Variants in GMDS observed in about 807,000 individuals in gnomAD.
The protein encoded by GMDS is GDP-mannose 4,6-dehydratase.
In GMDS, 20 loss-of-function variants were observed where a neutral mutation model predicts 49.9. The ratio of observed to expected loss-of-function variants is 0.40; its 90% confidence interval spans 0.28 to 0.58. The LOEUF (loss-of-function observed/expected upper bound fraction) is 0.58. Among genes scored for constraint, GMDS ranks in the 20% least tolerant of loss-of-function variants. The pLI is 0.42. For missense variants in GMDS, 362 were observed against 481.4 expected, an observed-to-expected ratio of 0.75 and a Z score of 2.32; for synonymous variants, 177 against 178.6, an observed-to-expected ratio of 0.99 and a Z score of 0.07.
chr6:2,037,183 T>C (rs1408600035), intron 4 of GMDS, among the ~76,000 whole-genome samples: 1 of 152,138 alleles, frequency 6.6e-6, no homozygotes, highest in East Asian at 1.9e-4. Context: ...CAATGCCCCT[T>C]CAACTTCACC....
intron 4 of GMDS, among the ~76,000 whole-genome samples, chr6:1,967,736 C>T (rs1225368147): frequency 1.3e-5 from 2 of 152,096 alleles, no homozygotes; most frequent in Non-Finnish European, 2.9e-5. Flanking sequence ...GTAGCAAAGC[C>T]AGAGAAATGA....
At chr6:1,837,442 C>A (rs1214581959) in intron 7 of GMDS, among the ~76,000 whole-genome samples, 1 of 152,160 alleles carries the variant, frequency 6.6e-6, no homozygotes, top group Non-Finnish European at 1.5e-5. Context: ...GACAATGTGG[C>A]CTTTTTGCTT....
intron 7 of GMDS, among the ~76,000 whole-genome samples, chr6:1,900,918 T>C (rs1760470640): frequency 6.6e-6 from 1 of 152,222 alleles, no homozygotes; most frequent in Admixed American, 6.5e-5. Context: ...ACGACTCAGT[T>C]ATGCCAACAT....
chr6:2,161,376 C>G (rs951920314), intron 1 of GMDS, among the ~76,000 whole-genome samples: 2 of 152,048 alleles, frequency 1.3e-5, no homozygotes, highest in African/African-American at 2.4e-5. Context: ...TGCTCACTGA[C>G]TGAAACAAGC....
intron 7 of GMDS, among the ~76,000 whole-genome samples, chr6:1,802,711 G>A (rs1302129038): frequency 1.3e-5 from 2 of 152,208 alleles, no homozygotes; most frequent in African/African-American, 4.8e-5. Context: ...AGGAGGGGGC[G>A]CTCCGCTGAA....
intron 4 of GMDS, among the ~76,000 whole-genome samples, chr6:2,002,773 A>G (rs920726560): frequency 1.1e-4 from 17 of 152,236 alleles, no homozygotes; most frequent in African/African-American, 4.1e-4. Context: ...AATAAATTCA[A>G]CATCTACTGT....
At chr6:2,157,991 T>C (rs1411288803) in intron 1 of GMDS, among the ~76,000 whole-genome samples, 1 of 152,120 alleles carries the variant, frequency 6.6e-6, no homozygotes, top group Non-Finnish European at 1.5e-5. Flanking sequence ...ACAGTTCTGA[T>C]TCACTATTGT....
At chr6:1,654,815 C>A (rs1763818959) in intron 9 of GMDS, among the ~76,000 whole-genome samples, 1 of 152,134 alleles carries the variant, frequency 6.6e-6, no homozygotes, top group African/African-American at 2.4e-5. Context: ...GTAATTCCAG[C>A]ACTTTGGGAG....
At position 2,124,699 on chromosome 6, in the gene GMDS, C is replaced by T; in HGVS notation, c.135G>A (p.Glu45=). 1.2e-6 allele frequency: 2 copies of T among 1,613,922 alleles called. No individual in the cohort carries two copies. Among genetic ancestry groups the T allele is most frequent in the Non-Finnish European group, 1.7e-6 (2 of 1,179,858 alleles). ...DGSYLAEFLL[E]KGYEVHGIVR... Reference sequence around the variant, plus strand: ...TTGAGTCACCCACCTCATAGCCTTTCTCCAGCAGGAACTCAGCCAGGTAGG... The same window carrying T: ...TTGAGTCACCCACCTCATAGCCTTTTTCCAGCAGGAACTCAGCCAGGTAGG... The change falls in exon 2 of 11, where the codon GAG becomes GAA. Residue 45 remains glutamate, a synonymous_variant. Transcript: ENST00000380815.
At chr6:1,729,122 C>G (rs1283036232) in intron 8 of GMDS, among the ~76,000 whole-genome samples, 14 of 152,188 alleles carry the variant, frequency 9.2e-5, no homozygotes, top group Non-Finnish European at 1.6e-4. Flanking sequence ...GCCTGCACGG[C>G]TAGACTGCTT....
At chr6:2,056,181 TAA>T (rs1247742554) in intron 4 of GMDS, among the ~76,000 whole-genome samples, 2 of 152,130 alleles carry the variant, frequency 1.3e-5, no homozygotes, top group East Asian at 1.9e-4. Context: ...TCTTATTAAA[TAA>T]GACACATATA....
At chr6:2,181,492 CT>C (rs1047581246) in intron 1 of GMDS, among the ~76,000 whole-genome samples, 1 of 152,006 alleles carries the variant, frequency 6.6e-6, no homozygotes, top group African/African-American at 2.4e-5. Context: ...CCAGACACTG[CT>C]TTTTTTTAAT....
rs1157888041 is a variant in GMDS at position 1,778,352 on chromosome 6, T to C, written c.772-35766A>G. ...CTGTTTAGGATAATGGAATACTGAT[T>C]GAAGTCAATTATTATAACACCTGAA... On this transcript the variant is annotated intron_variant, in intron 7 of 10. Transcript: ENST00000380815. The surrounding 1 kb of genome is among the most constrained non-coding windows in gnomAD (Gnocchi z 4.6). 6.6e-6 allele frequency among the ~76,000 whole-genome samples: 1 copy of C among 152,198 alleles called. No homozygotes were observed. The highest frequency in any genetic ancestry group is 1.5e-5 in the Non-Finnish European group (1 of 68,034).
intron 1 of GMDS, among the ~76,000 whole-genome samples, chr6:2,147,781 C>T (rs979888422): frequency 4.0e-5 from 6 of 149,628 alleles, no homozygotes; most frequent in Non-Finnish European, 8.9e-5. Flanking sequence ...TTAAGAGACT[C>T]AAAAAAATGT....
At chr6:1,921,334 A>T (rs1761705119) in intron 7 of GMDS, among the ~76,000 whole-genome samples, 1 of 152,214 alleles carries the variant, frequency 6.6e-6, no homozygotes, top group Admixed American at 6.5e-5. Flanking sequence ...AACTCAATTC[A>T]TACTAGAAAT....
intron 4 of GMDS, among the ~76,000 whole-genome samples, chr6:1,999,123 A>T (rs745524440): frequency 9.2e-5 from 14 of 152,092 alleles, no homozygotes; most frequent in African/African-American, 3.4e-4. Flanking sequence ...GGAAATCGAG[A>T]CCAGCCTGGC....
rs549241840 is a variant in GMDS, at chr6:2,196,230, C to T, written c.102+49091G>A. 2.6e-5 allele frequency among the ~76,000 whole-genome samples: 4 copies of T among 152,334 alleles called. No homozygotes were observed. In the South Asian group the frequency reaches 8.3e-4, roughly 32 times the overall value. On this transcript the variant is annotated intron_variant, in intron 1 of 10. Coordinates refer to ENST00000380815, the MANE Select transcript of GMDS (RefSeq NM_001500.4). Reference sequence around the variant, plus strand: ...ACTGCAAAACTATAATTATCAAGGACTAAAACACGCAGATGCTATATACTT... The same window carrying T: ...ACTGCAAAACTATAATTATCAAGGATTAAAACACGCAGATGCTATATACTT...
intron 4 of GMDS, among the ~76,000 whole-genome samples, chr6:2,043,624 C>G (rs191718384): frequency 6.6e-6 from 1 of 152,164 alleles, no homozygotes; most frequent in Non-Finnish European, 1.5e-5. Flanking sequence ...TTAAATGTGG[C>G]TATTATAAAA....
At position 1,836,780 on chromosome 6, in the gene GMDS, G is replaced by A. The variant is rs893477735; in HGVS notation, c.771+93323C>T. 6.6e-6 allele frequency among the ~76,000 whole-genome samples: 1 copy of A among 152,168 alleles called. No homozygotes were observed. Among genetic ancestry groups the A allele is most frequent in the African/African-American group, 2.4e-5 (1 of 41,426 alleles). ...CTTTTGCAGCCAAGCTCTCATTCAGGATAGAGGACACCTGAATTACATAAA... is the reference window on the plus strand; with the variant it reads ...CTTTTGCAGCCAAGCTCTCATTCAGAATAGAGGACACCTGAATTACATAAA... On this transcript the variant is annotated intron_variant, in intron 7 of 10. Transcript: ENST00000380815. The surrounding 1 kb of genome is among the most constrained non-coding windows in gnomAD (Gnocchi z 4.2).
Sources: allele counts gnomAD v4.1 joint callset (sites outside exome capture counted in the v4.1 genomes callset), GRCh38; gene constraint gnomAD v4.1.1; non-coding constraint Gnocchi (gnomAD v3.1); transcripts MANE v1.5; gene names NCBI Gene and HGNC (gene_info 2026-07-23, HGNC 2026-07-21).